The following AKAP6 variants were observed in gnomAD, a reference collection of about 807,000 sequenced individuals.
The protein encoded by AKAP6 is A-kinase anchor protein 6.
A neutral mutation model predicts 188.5 loss-of-function variants in AKAP6; 58 were observed. That is an observed-to-expected ratio of 0.31 (90% confidence interval 0.25 to 0.38). The LOEUF (loss-of-function observed/expected upper bound fraction) is 0.38, where lower values mean the gene tolerates loss of function less well. Among genes scored for constraint, AKAP6 ranks in the 10% least tolerant of loss-of-function variants. The pLI is 1.00. For synonymous variants in AKAP6, 989 were observed against 998.6 expected (o/e 0.99, Z 0.18); for missense variants, 2,710 against 2,740.0 (o/e 0.99, Z 0.24).
chr14:32,639,145 G>A (rs562184136), intron 7 of AKAP6, among the ~76,000 whole-genome samples: 3 of 152,182 alleles, frequency 2.0e-5, no homozygotes, highest in East Asian at 1.9e-4. Context: ...CTAATGTTAT[G>A]ACCCATTAAC....
At chr14:32,727,244 T>C (rs2030918101) in intron 9 of AKAP6, among the ~76,000 whole-genome samples, 1 of 152,176 alleles carries the variant, frequency 6.6e-6, no homozygotes, top group African/African-American at 2.4e-5. Context: ...CCTTATGCAG[T>C]ATTTTTTATG....
At chr14:32,372,369 C>T (rs956298697) in intron 1 of AKAP6, among the ~76,000 whole-genome samples, 1 of 151,656 alleles carries the variant, frequency 6.6e-6, no homozygotes, top group Non-Finnish European at 1.5e-5. Context: ...ACACCATTAG[C>T]AGGCCGAGGA....
chr14:32,564,147 G>A (rs1884088791), intron 4 of AKAP6, among the ~76,000 whole-genome samples: 1 of 152,072 alleles, frequency 6.6e-6, no homozygotes, highest in Non-Finnish European at 1.5e-5. Context: ...GTAGATAGTT[G>A]TTATACTGTA....
chr14:32,726,744 A>G (rs928006580), intron 9 of AKAP6, among the ~76,000 whole-genome samples: 9 of 152,370 alleles, frequency 5.9e-5, no homozygotes, highest in African/African-American at 2.2e-4. Context: ...CATTAGAATA[A>G]AGATTGTCTA....
intron 1 of AKAP6, among the ~76,000 whole-genome samples, chr14:32,350,071 C>G (rs1368457321): frequency 6.6e-6 from 1 of 152,070 alleles, no homozygotes; most frequent in Non-Finnish European, 1.5e-5. Flanking sequence ...ACAGAAACTT[C>G]CAAATAATAT....
At chr14:32,819,853 C>T (rs935680583) in intron 12 of AKAP6, among the ~76,000 whole-genome samples, 4 of 151,920 alleles carry the variant, frequency 2.6e-5, no homozygotes, top group African/African-American at 9.7e-5. Flanking sequence ...GAGGCTAAGG[C>T]GGAAGGATTG....
intron 12 of AKAP6, among the ~76,000 whole-genome samples, chr14:32,807,867 A>C (rs2034129745): frequency 6.6e-6 from 1 of 152,252 alleles, no homozygotes; most frequent in Admixed American, 6.5e-5. Context: ...GTGATACATA[A>C]CTAGATTCAC....
intron 2 of AKAP6, among the ~76,000 whole-genome samples, chr14:32,497,973 T>G (rs1337524182): frequency 6.6e-6 from 1 of 152,112 alleles, no homozygotes; most frequent in African/African-American, 2.4e-5. Context: ...TCTTTGAAAG[T>G]CTTTTCTTTT....
intron 5 of AKAP6, among the ~76,000 whole-genome samples, chr14:32,594,492 G>A (rs950077164): frequency 3.3e-5 from 5 of 152,094 alleles, no homozygotes; most frequent in Non-Finnish European, 7.4e-5. Context: ...GAAATCTTCC[G>A]ATTCTTGGTA....
At chr14:32,363,608 G>A (rs1043735545) in intron 1 of AKAP6, among the ~76,000 whole-genome samples, 2 of 152,184 alleles carry the variant, frequency 1.3e-5, no homozygotes, top group Non-Finnish European at 2.9e-5. Context: ...TCCAGCATGG[G>A]AGAAAGATGA....
intron 2 of AKAP6, among the ~76,000 whole-genome samples, chr14:32,521,944 C>T (rs1443554797): frequency 6.6e-6 from 1 of 152,198 alleles, no homozygotes; most frequent in Non-Finnish European, 1.5e-5. Context: ...AACTATACTA[C>T]AAGGCTACAG....
chr14:32,585,289 C>G (rs546088944), intron 5 of AKAP6, among the ~76,000 whole-genome samples: 8 of 152,254 alleles, frequency 5.3e-5, no homozygotes, highest in Admixed American at 2.0e-4. Flanking sequence ...AAACCAATAC[C>G]AGACAGCTGT....
intron 7 of AKAP6, among the ~76,000 whole-genome samples, chr14:32,665,677 A>T (rs1043395374): frequency 6.6e-6 from 1 of 152,146 alleles, no homozygotes; most frequent in Non-Finnish European, 1.5e-5. Context: ...GCAGGCGAAC[A>T]TTAGAGTCCT....
At chr14:32,586,014 A>G (rs1227063690) in intron 5 of AKAP6, among the ~76,000 whole-genome samples, 5 of 152,100 alleles carry the variant, frequency 3.3e-5, no homozygotes, top group Non-Finnish European at 2.9e-5. Context: ...AAAACAGGAG[A>G]ACGACATGAA....
At chr14:32,750,866 C>T in intron 11 of AKAP6, among the ~76,000 whole-genome samples, 1 of 151,302 alleles carries the variant, frequency 6.6e-6, no homozygotes, top group African/African-American at 2.4e-5. Flanking sequence ...TCCCGAGTAG[C>T]TGGGACTACA....
intron 5 of AKAP6, among the ~76,000 whole-genome samples, chr14:32,589,307 A>G (rs1446554114): frequency 6.6e-6 from 1 of 152,206 alleles, no homozygotes; most frequent in Non-Finnish European, 1.5e-5. Context: ...GGGTAGTCGC[A>G]GAGAGTTTAG....
chr14:32,610,221 C>A (rs966464577), intron 7 of AKAP6, among the ~76,000 whole-genome samples: 1 of 152,154 alleles, frequency 6.6e-6, no homozygotes, highest in Non-Finnish European at 1.5e-5. Context: ...AGAGAGTCTT[C>A]TTAGACACCC....
chr14:32,611,864 A>G (rs775752470), intron 7 of AKAP6, among the ~76,000 whole-genome samples: 2 of 152,194 alleles, frequency 1.3e-5, no homozygotes, highest in African/African-American at 2.4e-5. Flanking sequence ...TATTGCTACA[A>G]TGATTCAGAC....
chr14:32,622,092 A>T (rs890193402), intron 7 of AKAP6, among the ~76,000 whole-genome samples: 1 of 152,154 alleles, frequency 6.6e-6, no homozygotes, highest in Non-Finnish European at 1.5e-5. Context: ...ATTAATTTTA[A>T]TAAAAATTCC....
Sources: allele counts gnomAD v4.1 joint callset (sites outside exome capture counted in the v4.1 genomes callset), GRCh38; gene constraint gnomAD v4.1.1; transcripts MANE v1.5; gene names NCBI Gene and HGNC (gene_info 2026-07-23, HGNC 2026-07-21).